CHAC2: variants seen among roughly 807,000 people sequenced by gnomAD.
CHAC2 encodes the protein ChaC glutathione specific gamma-glutamylcyclotransferase 2.
In CHAC2, 20 loss-of-function variants were observed where a neutral mutation model predicts 16.9. The ratio of observed to expected loss-of-function variants is 1.18; its 90% confidence interval spans 0.83 to 1.72. The LOEUF (loss-of-function observed/expected upper bound fraction) is 1.72, where lower values mean the gene tolerates loss of function less well. Ranked by LOEUF, CHAC2 falls within the 40% of genes most tolerant of loss-of-function variation. The pLI is 0.00. For missense variants in CHAC2, 269 were observed against 222.2 expected (o/e 1.21, Z -1.34); for synonymous variants, 91 against 77.3 (o/e 1.18, Z -0.93).
intron 2 of CHAC2, 58 bp from the exon 3 acceptor site, chr2:53,774,084 T>C: frequency 6.8e-7 from 1 of 1,479,928 alleles, no homozygotes. Context: ...TCACAACCTT[T>C]CTTCACCTAT....
chr2:53,774,072 G>C (rs1413990400), intron 2 of CHAC2, 70 bp from the exon 3 acceptor site: 3 of 1,427,908 alleles, frequency 2.1e-6, no homozygotes, highest in African/African-American at 2.9e-5. Flanking sequence ...TACTCCCTTA[G>C]ATCACAACCT....
chr2:53,767,797 G>A (rs956164945), upstream of CHAC2: 71 of 1,497,398 alleles, frequency 4.7e-5, no homozygotes, highest in Non-Finnish European at 5.8e-5. Flanking sequence ...GCCCCGCGCG[G>A]CCGGTTACTC....
chr2:53,767,904 C>A lies in CHAC2; in HGVS notation c.18C>A (p.Tyr6Ter), dbSNP rs1355664116. The A allele has an allele frequency of 6.2e-7, 1 of 1,612,376 alleles. No homozygotes were observed. Among genetic ancestry groups the A allele is most frequent in the Non-Finnish European group, 8.5e-7 (1 of 1,179,308 alleles). The change falls in exon 1 of 3, where the codon TAC becomes TAA. Residue 6 changes from tyrosine (Y) to a stop codon, truncating the protein, a stop_gained. Coordinates refer to ENST00000295304, the MANE Select transcript of CHAC2 (RefSeq NM_001008708.4). LOFTEE classifies it high-confidence loss of function. ...GCGAGAAGATGTGGGTTTTTGGTTA[C>A]GGGTCCCTGATCTGGAAGGTGGATT... MWVFG[Y>*]GSLIWKVDFP... is the part of the protein sequence containing the mutation.
chr2:53,774,694 T>A lies in CHAC2; in HGVS notation c.*169T>A. 1 of 527,430 alleles carries A rather than the reference T, an allele frequency of 1.9e-6. No homozygotes were observed. Among genetic ancestry groups the A allele is most frequent in the Non-Finnish European group, 3.1e-6 (1 of 320,124 alleles). The allele number at this position is 527,430 out of a possible 1,614,324, so 32.7% of individuals were successfully genotyped here. A position where few individuals can be genotyped will look rare whatever the true frequency, so the allele number is the denominator to read the frequency against. Reference sequence around the variant, plus strand: ...ATATTGGGATACAGTGAAAGAAAAATTCAAATTTTAATAACATAAAGATTT... The same window carrying A: ...ATATTGGGATACAGTGAAAGAAAAAATCAAATTTTAATAACATAAAGATTT... On this transcript the variant is annotated 3_prime_UTR_variant, in exon 3 of 3. Coordinates refer to ENST00000295304, the MANE Select transcript of CHAC2 (RefSeq NM_001008708.4).
chr2:53,773,682 G>A (rs1674111948), intron 2 of CHAC2, among the ~76,000 whole-genome samples: 1 of 151,538 alleles, frequency 6.6e-6, no homozygotes, highest in Non-Finnish European at 1.5e-5. Context: ...ACTCACCTCG[G>A]CCTCCCAAAG....
rs777055430 is a variant in CHAC2 at position 53,774,512 on chromosome 2, T to C, written c.542T>C (p.Leu181Pro). Residue 181 changes from leucine to proline, a missense_variant, in exon 3 of 3, where the codon CTC becomes CCC. By Grantham distance (98) the Leu-to-Pro change is moderately conservative. Coordinates refer to ENST00000295304, the MANE Select transcript of CHAC2 (RefSeq NM_001008708.4). The stretch of plus-strand genomic sequence containing the variant: ...GAACGTTTAGAAGGGAAACAGAACC[T>C]CAATTGCATATAATTTAGTCTTCAG... ...VKERLEGKQN[L>P]NCI The C allele has an allele frequency of 6.5e-7, 1 of 1,541,626 alleles. No individual in the cohort carries two copies. The highest frequency in any genetic ancestry group is 2.2e-5 in the Admixed American group (1 of 45,542).
At chr2:53,770,742 T>G (rs1673845301) in intron 1 of CHAC2, among the ~76,000 whole-genome samples, 1 of 152,210 alleles carries the variant, frequency 6.6e-6, no homozygotes, top group African/African-American at 2.4e-5. Context: ...AACTGACCTG[T>G]GTTAAAACCA....
At chr2:53,769,081 C>A (rs1673706069) in intron 1 of CHAC2, among the ~76,000 whole-genome samples, 1 of 152,160 alleles carries the variant, frequency 6.6e-6, no homozygotes, top group Non-Finnish European at 1.5e-5. Context: ...GACACAGTGA[C>A]CTGAAAAGGG....
rs770448070 is a variant in CHAC2, at chr2:53,771,893, C to T, written c.136-14C>T. 1 of 1,540,718 alleles carries T rather than the reference C, an allele frequency of 6.5e-7. No homozygotes were observed. Among genetic ancestry groups the T allele is most frequent in the Non-Finnish European group, 8.8e-7 (1 of 1,133,186 alleles). On this transcript the variant is annotated splice_polypyrimidine_tract_variant and intron_variant, in intron 1 of 2. Coordinates refer to ENST00000295304, the MANE Select transcript of CHAC2 (RefSeq NM_001008708.4). ...ATTAATTCAGAAAAATTTTTTTTTA[C>T]CTTTTTAAAACAGCCTGGAAGAGTT...
At chr2:53,769,842 C>CA (rs950177394) in intron 1 of CHAC2, among the ~76,000 whole-genome samples, 14 of 149,718 alleles carry the variant, frequency 9.4e-5, no homozygotes, top group African/African-American at 2.7e-4. Context: ...AATTCCGTCT[C>CA]AAAAAAAAAG....
chr2:53,774,182 A>G lies in CHAC2; in HGVS notation c.212A>G (p.Lys71Arg), dbSNP rs779500943. ...GTTGCTTACAGATTGCCAGTAGGAA[A>G]GGAAGAAGAAGTAAAAGCATACCTT... ...WGVAYRLPVG[K>R]EEEVKAYLDF... Residue 71 changes from lysine to arginine, a missense_variant, in exon 3 of 3, where the codon AAG (lysine) becomes AGG (arginine). Transcript: ENST00000295304. The G allele has an allele frequency of 5.2e-5, 84 of 1,612,362 alleles. No homozygotes were observed. Among genetic ancestry groups the G allele is most frequent in the Non-Finnish European group, 6.8e-5 (80 of 1,179,426 alleles).
chr2:53,769,898 A>T (rs1673775336), intron 1 of CHAC2, among the ~76,000 whole-genome samples: 1 of 152,206 alleles, frequency 6.6e-6, no homozygotes, highest in South Asian at 2.1e-4. Context: ...TCAGAATTCT[A>T]ACTGCACTTA....
At chr2:53,768,106 C>T (rs1673621441) in intron 1 of CHAC2, 85 bp downstream of exon 1, 2 of 1,502,312 alleles carry the variant, frequency 1.3e-6, no homozygotes, top group Middle Eastern at 2.0e-4. Flanking sequence ...CCCTAGAGAA[C>T]CACACCTTAG....
chr2:53,773,371 C>T (rs1432239411), intron 2 of CHAC2, among the ~76,000 whole-genome samples: 3 of 150,756 alleles, frequency 2.0e-5, no homozygotes, highest in African/African-American at 7.5e-5. Context: ...GTGCTTATTT[C>T]CTTTATTGTT....
chr2:53,768,741 C>G (rs777873525), intron 1 of CHAC2, among the ~76,000 whole-genome samples: 10 of 152,170 alleles, frequency 6.6e-5, no homozygotes, highest in Non-Finnish European at 1.0e-4. Flanking sequence ...TTCATTGATT[C>G]ACTTTTCAGT....
In CHAC2 at chr2:53,774,240, A is replaced by G. The variant is rs138719259; in HGVS notation, c.270A>G (p.Thr90=). ...GAGAAAAAGGAGGCTACAGAACCAC[A>G]ACAGTCATTTTTTATCCAAAAGATC... is the stretch of plus-strand genomic sequence containing the variant. The part of the protein sequence containing the change: ...DFREKGGYRT[T]TVIFYPKDPT... The change falls in exon 3 of 3, where the codon ACA becomes ACG. Residue 90 remains threonine, a synonymous_variant. Transcript: ENST00000295304. 4 of 1,614,040 alleles carry G rather than the reference A, an allele frequency of 2.5e-6. No homozygotes were observed. The African/African-American group carries it at 5.3e-5, about 22-fold the overall frequency.
intron 1 of CHAC2, among the ~76,000 whole-genome samples, chr2:53,771,087 C>G (rs1314390904): frequency 1.3e-5 from 2 of 152,214 alleles, no homozygotes; most frequent in Admixed American, 1.3e-4. Context: ...TCCAGACCTA[C>G]AGAATCAAAA....
chr2:53,770,259 A>G (rs1050567239), intron 1 of CHAC2, among the ~76,000 whole-genome samples: 1 of 152,192 alleles, frequency 6.6e-6, no homozygotes, highest in Non-Finnish European at 1.5e-5. Flanking sequence ...ATTAAATGAG[A>G]AATCATAATC....
Position 53,769,741 on chromosome 2 carries a change from T to C in CHAC2, c.135+1720T>C, listed in dbSNP as rs573099641. 2.0e-5 allele frequency among the ~76,000 whole-genome samples: 3 copies of C among 152,244 alleles called. No homozygotes were observed. In the South Asian group the frequency reaches 6.2e-4, roughly 32 times the overall value. On this transcript the variant is annotated intron_variant, in intron 1 of 2. Coordinates refer to ENST00000295304, the MANE Select transcript of CHAC2 (RefSeq NM_001008708.4). Reference sequence around the variant, plus strand: ...CACGCCAGTAGAGTCCCAGCTACTCTGGAGGCTGAGGCAGGAGAATCGCTT... The same window carrying C: ...CACGCCAGTAGAGTCCCAGCTACTCCGGAGGCTGAGGCAGGAGAATCGCTT...
Sources: allele counts gnomAD v4.1 joint callset (sites outside exome capture counted in the v4.1 genomes callset), GRCh38; gene constraint gnomAD v4.1.1; transcripts MANE v1.5; gene names NCBI Gene and HGNC (gene_info 2026-07-23, HGNC 2026-07-21).